PC: variants seen among roughly 807,000 people sequenced by gnomAD.
PC encodes the protein pyruvate carboxylase, also known as pyruvate carboxylase, mitochondrial.
PC carries 46 observed loss-of-function variants against 107.8 expected under a neutral mutation model. The ratio of observed to expected loss-of-function variants is 0.43; its 90% CI spans 0.34 to 0.55. PC has a LOEUF of 0.55. PC is among the 20% of genes least tolerant of loss of function. The pLI is 0.04. For synonymous variants in PC, 662 were observed against 684.7 expected, an observed-to-expected ratio of 0.97 and a Z score of 0.52; for missense variants, 1,241 against 1,643.1, an observed-to-expected ratio of 0.76 and a Z score of 4.23.
At chr11:66,950,984 C>T (rs771192160) in intron 3 of PC, among the ~76,000 whole-genome samples, 1 of 152,030 alleles carries the variant, frequency 6.6e-6, no homozygotes, top group South Asian at 2.1e-4. Context: ...AGTTCTTCCA[C>T]GTTACGGCCA....
At chr11:66,905,256 T>G (rs1299836324) in intron 3 of PC, among the ~76,000 whole-genome samples, 1 of 152,198 alleles carries the variant, frequency 6.6e-6, no homozygotes, top group East Asian at 1.9e-4. Flanking sequence ...CCGAGCAGCT[T>G]AGGAGAGCTA....
intron 3 of PC, among the ~76,000 whole-genome samples, chr11:66,937,217 T>C (rs760132758): frequency 7.2e-5 from 11 of 152,162 alleles, no homozygotes; most frequent in Non-Finnish European, 1.5e-4. Flanking sequence ...AAACTGTCCC[T>C]GAAGACAAAG....
rs538108448 is a variant in PC at position 66,925,639 on chromosome 11, TGAGGCGACATA to T, written c.-1+26780_-1+26790del. ...AGTTAACACAATCATCACAGGGTCC[TGAGGCGACATA>T]CATCCTCCTCAGCTTACAAAGATGA... On this transcript the variant is annotated intron_variant, in intron 3 of 22. Transcript: ENST00000393960. 2.0e-3 allele frequency among the ~76,000 whole-genome samples: 301 copies of T among 152,246 alleles called. 10 individuals carry two copies. In the South Asian group the frequency reaches 0.058, roughly 30 times the overall value.
intron 3 of PC, among the ~76,000 whole-genome samples, chr11:66,904,367 G>A (rs1046843801): frequency 2.0e-5 from 3 of 152,158 alleles, no homozygotes; most frequent in Admixed American, 6.5e-5. Flanking sequence ...GGCTGGGCGC[G>A]GTGGCTCATG....
At chr11:66,873,424 T>TATAA in intron 3 of PC, among the ~76,000 whole-genome samples, 1 of 84,158 alleles carries the variant, frequency 1.2e-5, no homozygotes, top group African/African-American at 5.5e-5. Context: ...ATATAATATA[T>TATAA]TATATATATT....
chr11:66,906,987 G>C (rs1948186244), intron 3 of PC, among the ~76,000 whole-genome samples: 2 of 152,162 alleles, frequency 1.3e-5, no homozygotes, highest in East Asian at 3.9e-4. Context: ...AGGAAAGCCG[G>C]GCCTTTCTGT....
At chr11:66,883,694 G>A (rs1490835824) in intron 3 of PC, among the ~76,000 whole-genome samples, 1 of 152,184 alleles carries the variant, frequency 6.6e-6, no homozygotes, top group Non-Finnish European at 1.5e-5. Flanking sequence ...CTGGCACTCT[G>A]TACAGTGCGT....
chr11:66,931,236 G>A (rs1210484550), intron 3 of PC, among the ~76,000 whole-genome samples: 5 of 151,710 alleles, frequency 3.3e-5, no homozygotes, highest in African/African-American at 9.7e-5. Context: ...AAAATTAGCC[G>A]GGCATGGTGG....
chr11:66,860,630 C>T, intron 12 of PC: 1 of 701,756 alleles, frequency 1.4e-6, no homozygotes, highest in African/African-American at 1.7e-5. Flanking sequence ...CAGGGGCGGC[C>T]CAGGGCTGCG....
At chr11:66,949,640 G>A (rs890917156) in intron 3 of PC, among the ~76,000 whole-genome samples, 3 of 152,034 alleles carry the variant, frequency 2.0e-5, no homozygotes, top group African/African-American at 4.8e-5. Context: ...GCAGTGAGCC[G>A]AGATCGCGAC....
chr11:66,865,164 C>T (rs1946437418), intron 11 of PC, among the ~76,000 whole-genome samples: 1 of 152,188 alleles, frequency 6.6e-6, no homozygotes, highest in Admixed American at 6.5e-5. Flanking sequence ...GTGGCCAGCT[C>T]CCTGCTGAAG....
Position 66,872,016 on chromosome 11 carries a change from G to A in PC, c.136+8C>T, listed in dbSNP as rs944736105. ...GAGGCTCCTCTCACCGGCCCCACTG[G>A]TGCTCACCTCTGTTGGCCACCATGA... On this transcript the variant is annotated splice_region_variant and intron_variant, in intron 4 of 22. Coordinates refer to ENST00000393960, the MANE Select transcript of PC (RefSeq NM_001040716.2). 13 of 1,558,566 alleles carry A rather than the reference G, an allele frequency of 8.3e-6. 1 individual carries two copies. The highest frequency in any genetic ancestry group is 2.4e-5 in the South Asian group (2 of 84,742).
intron 3 of PC, among the ~76,000 whole-genome samples, chr11:66,952,117 C>T (rs747464122): frequency 1.3e-5 from 2 of 152,156 alleles, no homozygotes; most frequent in African/African-American, 2.4e-5. Context: ...TTCTCAGAGA[C>T]GGCCCAGCCC....
At chr11:66,949,667 G>A (rs1174506116) in intron 3 of PC, among the ~76,000 whole-genome samples, 8 of 151,784 alleles carry the variant, frequency 5.3e-5, no homozygotes, top group African/African-American at 9.7e-5. Flanking sequence ...AGACTCCATC[G>A]CAAAAAAAAT....
At chr11:66,946,222 C>T (rs1023168627) in intron 3 of PC, among the ~76,000 whole-genome samples, 1 of 152,010 alleles carries the variant, frequency 6.6e-6, no homozygotes, top group African/African-American at 2.4e-5. Context: ...TGAGGCCAGG[C>T]GTGGTGACTC....
rs1394816597 is a variant in PC, at chr11:66,852,985, C to T, written c.1514-149G>A. 6 of 719,136 alleles carry T rather than the reference C, an allele frequency of 8.3e-6. No homozygotes were observed. Among genetic ancestry groups the T allele is most frequent in the Non-Finnish European group, 1.4e-5 (6 of 442,176 alleles). 44.5% of individuals were successfully genotyped at this position (719,136 alleles called of 1,614,324 possible). A position where few individuals can be genotyped will look rare whatever the true frequency, so the allele number is the denominator to read the frequency against. ...GCCCCTGTCCTCTCCAAAGCCAGGG[C>T]CTCCTGGGTACAGGCAGTGGGGACG... On this transcript the variant is annotated intron_variant, in intron 13 of 22. Transcript: ENST00000393960. This position sits in a 1 kb window ranked among gnomAD's most constrained non-coding sequence, Gnocchi z 4.7.
At chr11:66,935,318 A>C (rs1221597676) in intron 3 of PC, among the ~76,000 whole-genome samples, 1 of 152,234 alleles carries the variant, frequency 6.6e-6, no homozygotes, top group East Asian at 1.9e-4. Context: ...CAGGTCAGCA[A>C]AAACACAAAT....
In PC at chr11:66,858,425, G is replaced by C; in HGVS notation, c.1369-5042C>G. The C allele has an allele frequency of 1.3e-6, 2 of 1,555,110 alleles. No individual in the cohort carries two copies. The highest frequency in any genetic ancestry group is 1.7e-6 in the Non-Finnish European group (2 of 1,156,424). On this transcript the variant is annotated intron_variant, in intron 12 of 22. Coordinates refer to ENST00000393960, the MANE Select transcript of PC (RefSeq NM_001040716.2). The surrounding 1 kb of genome is among the most constrained non-coding windows in gnomAD (Gnocchi z 5.9). ...ATGCAGAGGCCTCTCCCGCCCCCCT[G>C]GTGCTGAGCTTTAGCGGGAACCCCC...
chr11:66,851,556 G>T (rs1351563654), intron 16 of PC, among the ~76,000 whole-genome samples: 1 of 152,216 alleles, frequency 6.6e-6, no homozygotes, highest in Admixed American at 6.5e-5. Flanking sequence ...GAGTGACCCA[G>T]GCAAGTCTCA....
Sources: gnomAD v4.1 joint callset for allele counts (sites outside exome capture counted in the v4.1 genomes callset) on GRCh38, gnomAD v4.1.1 for gene constraint, Gnocchi (gnomAD v3.1) non-coding constraint, MANE v1.5 for transcripts, NCBI Gene and HGNC (gene_info 2026-07-23, HGNC 2026-07-21) for gene names.